JARID2: variants seen among roughly 807,000 people sequenced by gnomAD.
JARID2 encodes the protein protein Jumonji.
A neutral mutation model predicts 125.6 loss-of-function variants in JARID2; 21 were observed. The observed-to-expected ratio is 0.17, with a 90% confidence interval of 0.12 to 0.24. JARID2 has a LOEUF of 0.24. Among genes scored for constraint, JARID2 ranks in the 10% least tolerant of loss-of-function variants. The pLI is 1.00. For missense variants in JARID2, 1,303 were observed against 1,639.6 expected (o/e 0.79, Z 3.55); for synonymous variants, 736 against 661.6 (o/e 1.11, Z -1.73).
chr6:15,517,126 C>T (rs1561921455), intron 16 of JARID2, 35 bp from the exon 17 acceptor site: 3 of 1,531,248 alleles, frequency 2.0e-6, no homozygotes, highest in South Asian at 1.1e-5. Context: ...GTGGAGCTGC[C>T]TCCTGACCTT....
intron 1 of JARID2, among the ~76,000 whole-genome samples, chr6:15,353,991 C>G (rs1763515513): frequency 6.6e-6 from 1 of 152,194 alleles, no homozygotes; most frequent in Non-Finnish European, 1.5e-5. Flanking sequence ...GCCAGCACAT[C>G]CCTGTATAGC....
intron 1 of JARID2, among the ~76,000 whole-genome samples, chr6:15,346,930 T>TG (rs1387303641): frequency 2.3e-4 from 35 of 152,116 alleles, no homozygotes; most frequent in Non-Finnish European, 3.8e-4. Flanking sequence ...GAGACAGGGT[T>TG]TCACCATGTT....
chr6:15,368,757 C>A, intron 1 of JARID2: 1 of 479,604 alleles, frequency 2.1e-6, no homozygotes, highest in Non-Finnish European at 4.2e-6. Context: ...CATCTGAATT[C>A]TGACAGTAAT....
chr6:15,289,045 G>A (rs892205493), intron 1 of JARID2, among the ~76,000 whole-genome samples: 1 of 152,166 alleles, frequency 6.6e-6, no homozygotes, highest in African/African-American at 2.4e-5. Context: ...CACCACTGGG[G>A]ACAGCACAGA....
intron 1 of JARID2, among the ~76,000 whole-genome samples, chr6:15,252,907 C>G (rs1034430412): frequency 1.1e-4 from 17 of 152,182 alleles, no homozygotes; most frequent in Non-Finnish European, 2.5e-4. Flanking sequence ...TTGCAGGCAT[C>G]TTTTATTCTA....
intron 1 of JARID2, among the ~76,000 whole-genome samples, chr6:15,270,464 G>C (rs1471892383): frequency 6.6e-6 from 1 of 152,112 alleles, no homozygotes; most frequent in East Asian, 1.9e-4. Context: ...TCATGTATTT[G>C]ATCCTATTGG....
Position 15,496,225 on chromosome 6 carries a change from A to C in JARID2, c.1000A>C (p.Lys334Gln). 6.2e-7 allele frequency: 1 copy of C among 1,614,164 alleles called. No individual in the cohort carries two copies. ...GCGCGAGGTCAGACCTTCACCATCC[A>C]AAACTGTGAAGTACACTGCCACGGT... ...KMREVRPSPS[K>Q]TVKYTATVTK... Residue 334 changes from lysine (K) to glutamine (Q), a missense_variant, in exon 7 of 18, where the codon AAA (lysine) becomes CAA (glutamine). Lys to Gln is a moderately conservative substitution (Grantham distance 53). Transcript: ENST00000341776.
At chr6:15,301,257 T>G (rs1301679805) in intron 1 of JARID2, among the ~76,000 whole-genome samples, 1 of 152,158 alleles carries the variant, frequency 6.6e-6, no homozygotes, top group Non-Finnish European at 1.5e-5. Context: ...CTATAAAATT[T>G]TTTTCTTTTT....
At chr6:15,444,195 G>C (rs1767567339) in intron 3 of JARID2, among the ~76,000 whole-genome samples, 1 of 152,156 alleles carries the variant, frequency 6.6e-6, no homozygotes, top group African/African-American at 2.4e-5. Flanking sequence ...CTCCCGTTTT[G>C]TCATTGTGTG....
chr6:15,289,770 C>T (rs923772923), intron 1 of JARID2, among the ~76,000 whole-genome samples: 1 of 152,120 alleles, frequency 6.6e-6, no homozygotes, highest in African/African-American at 2.4e-5. Context: ...CACTTGAACC[C>T]AGGAGGCGGA....
intron 3 of JARID2, among the ~76,000 whole-genome samples, chr6:15,413,036 T>TTTTTTG (rs1765970657): frequency 7.7e-6 from 1 of 130,278 alleles, no homozygotes; most frequent in Admixed American, 7.9e-5. Context: ...TTTTTTTTTT[T>TTTTTTG]GAGACTGAGT....
At chr6:15,401,455 C>T (rs1765430753) in intron 2 of JARID2, among the ~76,000 whole-genome samples, 1 of 152,182 alleles carries the variant, frequency 6.6e-6, no homozygotes, top group Non-Finnish European at 1.5e-5. Flanking sequence ...CATTTCCCAG[C>T]ATTTAAAAAT....
At chr6:15,338,079 G>T (rs55679817) in intron 1 of JARID2, among the ~76,000 whole-genome samples, 1 of 152,314 alleles carries the variant, frequency 6.6e-6, no homozygotes, top group African/African-American at 2.4e-5. Flanking sequence ...AAATGGAGGC[G>T]TAGGTGAGGG....
chr6:15,340,686 T>A (rs1010329719), intron 1 of JARID2, among the ~76,000 whole-genome samples: 1 of 152,204 alleles, frequency 6.6e-6, no homozygotes, highest in Non-Finnish European at 1.5e-5. Context: ...ATAGCCATGA[T>A]GGTAGAGTTA....
At chr6:15,335,978 C>G (rs553126042) in intron 1 of JARID2, among the ~76,000 whole-genome samples, 1 of 152,238 alleles carries the variant, frequency 6.6e-6, no homozygotes, top group South Asian at 2.1e-4. Flanking sequence ...CCCAGCTACT[C>G]AAGAGGCTAA....
intron 3 of JARID2, among the ~76,000 whole-genome samples, chr6:15,444,319 C>G (rs1294551605): frequency 6.6e-6 from 1 of 152,180 alleles, no homozygotes; most frequent in African/African-American, 2.4e-5. Context: ...ACAGAGTTTG[C>G]TATGAATTGG....
chr6:15,461,343 T>C (rs1303222277), intron 4 of JARID2, among the ~76,000 whole-genome samples: 1 of 152,210 alleles, frequency 6.6e-6, no homozygotes, highest in Non-Finnish European at 1.5e-5. Context: ...CACTTGCAGA[T>C]AGAATACTAC....
chr6:15,440,954 A>G (rs114931811), intron 3 of JARID2, among the ~76,000 whole-genome samples: 1,944 of 152,290 alleles, frequency 0.013, 16 homozygotes, highest in Non-Finnish European at 0.02. Context: ...TTTGTTGGTG[A>G]TAGTTTAAGT....
intron 9 of JARID2, among the ~76,000 whole-genome samples, chr6:15,504,891 C>T (rs998900627): frequency 4.6e-5 from 7 of 152,286 alleles, no homozygotes; most frequent in Middle Eastern, 3.4e-3. Flanking sequence ...CTTGCTCACC[C>T]GGCTGTTTCT....
Sources: allele counts gnomAD v4.1 joint callset (sites outside exome capture counted in the v4.1 genomes callset), GRCh38; gene constraint gnomAD v4.1.1; transcripts MANE v1.5; gene names NCBI Gene and HGNC (gene_info 2026-07-23, HGNC 2026-07-21).